Variants in EPB41L1 observed in about 807,000 individuals in gnomAD.
EPB41L1 encodes the protein erythrocyte membrane protein band 4.1 like 1, also known as band 4.1-like protein 1.
A neutral mutation model predicts 97.8 loss-of-function variants in EPB41L1; 29 were observed. The observed-to-expected ratio is 0.30, with a 90% CI of 0.22 to 0.40. The LOEUF (loss-of-function observed/expected upper bound fraction) is 0.40, where lower values mean the gene tolerates loss of function less well. EPB41L1 is among the 10% of genes least tolerant of loss of function. The pLI is 1.00. For missense variants in EPB41L1, 812 were observed against 1,162.3 expected (o/e 0.70, Z 4.38); for synonymous variants, 383 against 459.2 (o/e 0.83, Z 2.12).
At chr20:36,214,264 G>T in intron 16 of EPB41L1, 93 bp from the exon 17 acceptor site, 1 of 963,078 alleles carries the variant, frequency 1.0e-6, no homozygotes, top group South Asian at 1.4e-5. Flanking sequence ...CACACAGCCT[G>T]TCACTTTGTA....
intron 21 of EPB41L1, among the ~76,000 whole-genome samples, chr20:36,227,636 G>C (rs1251596703): frequency 6.6e-6 from 1 of 152,172 alleles, no homozygotes; most frequent in Non-Finnish European, 1.5e-5. Context: ...CCACCAGCCT[G>C]GTGCCTGAGG....
chr20:36,164,984 CTATT>C (rs1450314111), intron 1 of EPB41L1, among the ~76,000 whole-genome samples: 3 of 151,790 alleles, frequency 2.0e-5, no homozygotes, highest in Admixed American at 1.3e-4. Context: ...CTGCGCCTGG[CTATT>C]TATTTATTTT....
chr20:36,222,051 C>T, intron 20 of EPB41L1, 107 bp downstream of exon 20: 1 of 1,246,040 alleles, frequency 8.0e-7, no homozygotes, highest in Non-Finnish European at 1.2e-6. Flanking sequence ...AAGGTGTCCA[C>T]TTCTTGCTGA....
intron 2 of EPB41L1, among the ~76,000 whole-genome samples, chr20:36,129,387 G>A (rs922875633): frequency 6.6e-6 from 1 of 152,118 alleles, no homozygotes; most frequent in African/African-American, 2.4e-5. Context: ...TGTAAATACT[G>A]CTCCTGGAGC....
At chr20:36,137,101 G>T (rs367627761) in intron 2 of EPB41L1, among the ~76,000 whole-genome samples, 8 of 145,554 alleles carry the variant, frequency 5.5e-5, no homozygotes, top group African/African-American at 1.0e-4. Flanking sequence ...TTGAGACAGG[G>T]TTTCACTCTG....
At chr20:36,109,242 C>T (rs924108298) in intron 1 of EPB41L1, among the ~76,000 whole-genome samples, 5 of 152,002 alleles carry the variant, frequency 3.3e-5, no homozygotes, top group Admixed American at 6.6e-5. Context: ...CCACTGCACC[C>T]GGCCGAGTTC....
intron 4 of EPB41L1, among the ~76,000 whole-genome samples, chr20:36,178,324 T>C (rs2061334858): frequency 6.6e-6 from 1 of 152,176 alleles, no homozygotes; most frequent in African/African-American, 2.4e-5. Context: ...CTAGAGCTTC[T>C]CCCCTACCCT....
chr20:36,223,365 A>G (rs763617084), intron 21 of EPB41L1, among the ~76,000 whole-genome samples: 8 of 152,192 alleles, frequency 5.3e-5, no homozygotes, highest in Non-Finnish European at 1.0e-4. Flanking sequence ...GACCTGCAGG[A>G]GCCAAAATCT....
chr20:36,170,470 A>C (rs1163773801), intron 1 of EPB41L1, among the ~76,000 whole-genome samples: 1 of 152,132 alleles, frequency 6.6e-6, no homozygotes, highest in African/African-American at 2.4e-5. Flanking sequence ...TTTTTTACTC[A>C]AATCTTTTCC....
At chr20:36,210,807 C>T (rs770165025) in intron 15 of EPB41L1, among the ~76,000 whole-genome samples, 4 of 152,236 alleles carry the variant, frequency 2.6e-5, no homozygotes, top group Non-Finnish European at 5.9e-5. Flanking sequence ...CAAGCCTGCT[C>T]TCCCACCAGG....
At chr20:36,138,391 G>A (rs1174251901) in intron 2 of EPB41L1, among the ~76,000 whole-genome samples, 7 of 150,814 alleles carry the variant, frequency 4.6e-5, no homozygotes, top group Non-Finnish European at 7.4e-5. Context: ...TCAGCCTCCC[G>A]AGTAGCTGGG....
In EPB41L1 at chr20:36,206,773, T is replaced by C; in HGVS notation, c.1669-2715T>C. On this transcript the variant is annotated intron_variant, in intron 14 of 21. Coordinates refer to ENST00000338074, the MANE Select transcript of EPB41L1 (RefSeq NM_012156.2). The surrounding 1 kb of genome is among the most constrained non-coding windows in gnomAD (Gnocchi z 5.5). ...TGCCCAGTGGGGAGTGGAAGGAGAG[T>C]TTCCCCACCTGACAGCCAGCGCAGC... 7.8e-7 allele frequency: 1 copy of C among 1,286,746 alleles called. No individual in the cohort carries two copies. Among genetic ancestry groups the C allele is most frequent in the Non-Finnish European group, 1.0e-6 (1 of 988,134 alleles). 79.7% of individuals were successfully genotyped at this position (1,286,746 alleles called of 1,614,324 possible). A position where few individuals can be genotyped will look rare whatever the true frequency, so the allele number is the denominator to read the frequency against.
chr20:36,117,997 A>G (rs2058638301), intron 2 of EPB41L1, among the ~76,000 whole-genome samples: 2 of 152,226 alleles, frequency 1.3e-5, no homozygotes, highest in African/African-American at 4.8e-5. Context: ...AAGATTAGCC[A>G]TTTGTTAGGG....
chr20:36,115,330 C>T (rs900630472), intron 2 of EPB41L1, among the ~76,000 whole-genome samples: 1 of 152,200 alleles, frequency 6.6e-6, no homozygotes, highest in Non-Finnish European at 1.5e-5. Context: ...CTTGCCTTTG[C>T]TTGTATGCAC....
At chr20:36,096,881 A>C (rs1807049866) in intron 1 of EPB41L1, among the ~76,000 whole-genome samples, 1 of 152,226 alleles carries the variant, frequency 6.6e-6, no homozygotes, top group African/African-American at 2.4e-5. Context: ...ATGATACCCA[A>C]AGTTTCGTTT....
Position 36,209,743 on chromosome 20 carries a change from G to A in EPB41L1, c.1924G>A (p.Glu642Lys). ...CGAAGACTTCTCCCGCAGCCTGCCT[G>A]AGCTCGACCGGGACAAAAGCGACTC... ...AFEDFSRSLP[E>K]LDRDKSDSDT... The change falls in exon 15 of 22, where the codon GAG becomes AAG. Residue 642 changes from glutamate to lysine, a missense_variant. Glu to Lys is a moderately conservative substitution (Grantham distance 56). This residue lies in a region of EPB41L1 where 498 missense variants were observed against 622.7 expected (regional missense o/e 0.80). Transcript: ENST00000338074. This position sits in a 1 kb window ranked among gnomAD's most constrained non-coding sequence, Gnocchi z 4.2. 6.2e-7 allele frequency: 1 copy of A among 1,614,120 alleles called. No homozygotes were observed. The highest frequency in any genetic ancestry group is 8.5e-7 in the Non-Finnish European group (1 of 1,180,032).
rs2746106 is a variant in EPB41L1, at chr20:36,126,659, C to G, written c.-10+14179C>G. Among the ~76,000 whole-genome samples, 883 of 152,292 alleles carry G rather than the reference C, an allele frequency of 5.8e-3. 5 individuals are homozygous for G. The highest frequency in any genetic ancestry group is 0.021 in the African/African-American group (859 of 41,548). The stretch of plus-strand genomic sequence containing the variant: ...GGGATTACAGGCGTGAGCCACCGTG[C>G]CTGGCCAGTGGAATGTTTTGTGTAT... On this transcript the variant is annotated intron_variant, in intron 2 of 19. Transcript: ENST00000202028.
intron 1 of EPB41L1, chr20:36,155,627 T>A: frequency 2.2e-6 from 1 of 456,452 alleles, no homozygotes; most frequent in Non-Finnish European, 4.4e-6. Flanking sequence ...GGCAGACGTA[T>A]ATGGCTCAAA....
At chr20:36,204,245 C>T (rs1286852404) in intron 14 of EPB41L1, among the ~76,000 whole-genome samples, 1 of 152,134 alleles carries the variant, frequency 6.6e-6, no homozygotes, top group African/African-American at 2.4e-5. Flanking sequence ...ATTAAGGCCG[C>T]CCACACCCCC....
Sources: gnomAD v4.1 joint callset for allele counts (sites outside exome capture counted in the v4.1 genomes callset) on GRCh38, gnomAD v4.1.1 for gene constraint, gnomAD v4.1.1 regional missense constraint, Gnocchi (gnomAD v3.1) non-coding constraint, MANE v1.5 for transcripts, NCBI Gene and HGNC (gene_info 2026-07-23, HGNC 2026-07-21) for gene names.